NLGN4X: variants seen among roughly 807,000 people sequenced by gnomAD.
NLGN4X encodes neuroligin-4, X-linked.
Under a neutral mutation model 40.3 loss-of-function variants are expected in NLGN4X, and 3 were observed. The ratio of observed to expected loss-of-function variants is 0.07; its 90% CI spans 0.03 to 0.19. The LOEUF (loss-of-function observed/expected upper bound fraction) is 0.19. Among genes scored for constraint, NLGN4X ranks in the 10% least tolerant of loss-of-function variants. The probability of loss-of-function intolerance (pLI) is 1.00; values close to 1 mark genes in which losing one functional copy is unlikely to be tolerated. For missense variants in NLGN4X, 382 were observed against 708.3 expected (o/e 0.54, Z 5.23); for synonymous variants, 270 against 306.8 (o/e 0.88, Z 1.25).
At chrX:5,973,470 T>C (rs1178299629) in intron 3 of NLGN4X, among the ~76,000 whole-genome samples, 2 of 112,382 alleles carry the variant, frequency 1.8e-5, no homozygotes, top group African/African-American at 6.5e-5. Context: ...GGAAGCTAAA[T>C]TGTTTAGTCC....
chrX:6,110,267 G>A (rs1387978980), intron 2 of NLGN4X, among the ~76,000 whole-genome samples: 2 of 111,639 alleles, frequency 1.8e-5, no homozygotes, highest in Non-Finnish European at 3.8e-5. Flanking sequence ...CTGTCTAGAC[G>A]CTCAGAGTCA....
At chrX:6,005,207 T>A (rs1021930534) in intron 3 of NLGN4X, among the ~76,000 whole-genome samples, 1 of 112,061 alleles carries the variant, frequency 8.9e-6, no homozygotes, top group African/African-American at 3.2e-5. Context: ...CCAATGCAGA[T>A]CCCGGGGATT....
In NLGN4X at chrX:5,962,145, T is replaced by A. The variant is rs780892978; in HGVS notation, c.626-52906A>T. ...TGGGAAGAGACAGTACTTATCCATA[T>A]TAGCTAGTAAAAAGATATAAACTAT... On this transcript the variant is annotated intron_variant, in intron 3 of 5. Transcript: ENST00000381095. Among the ~76,000 whole-genome samples, 6 of 112,558 alleles carry A rather than the reference T, an allele frequency of 5.3e-5. No homozygotes were observed. In the East Asian group the frequency reaches 1.7e-3, roughly 31 times the overall value.
chrX:6,099,223 T>C (rs1258877589), intron 2 of NLGN4X, among the ~76,000 whole-genome samples: 1 of 112,344 alleles, frequency 8.9e-6, no homozygotes, highest in Non-Finnish European at 1.9e-5. Flanking sequence ...GAGATGCTCA[T>C]AACATTTAGA....
intron 2 of NLGN4X, among the ~76,000 whole-genome samples, chrX:6,070,239 G>C (rs778649045): frequency 9.1e-6 from 1 of 109,607 alleles, no homozygotes; most frequent in South Asian, 3.9e-4. Context: ...TCCACTTCTT[G>C]AAATGTTTCC....
chrX:6,072,789 C>T (rs750227355), intron 2 of NLGN4X, among the ~76,000 whole-genome samples: 13 of 110,921 alleles, frequency 1.2e-4, no homozygotes, highest in Non-Finnish European at 2.3e-4. Flanking sequence ...AACATATGCC[C>T]AAAGCACCTA....
intron 1 of NLGN4X, among the ~76,000 whole-genome samples, chrX:6,218,301 T>A (rs907950778): frequency 8.9e-6 from 1 of 112,036 alleles, no homozygotes; most frequent in Non-Finnish European, 1.9e-5. Context: ...GTTGAAGAAG[T>A]TAAAATCGAA....
At chrX:5,921,390 C>CGAGAGA (rs2033039435) in intron 3 of NLGN4X, among the ~76,000 whole-genome samples, 2 of 17,193 alleles carry the variant, frequency 1.2e-4, no homozygotes, top group Non-Finnish European at 2.4e-4. Context: ...TGAAAATGAA[C>CGAGAGA]CAGAGAGAGA....
At chrX:6,153,010 C>T (rs771349602) in intron 1 of NLGN4X, among the ~76,000 whole-genome samples, 105 of 112,574 alleles carry the variant, frequency 9.3e-4, no homozygotes, top group African/African-American at 3.2e-3. Context: ...CAGGAATGGA[C>T]ATTATGTTGT....
intron 3 of NLGN4X, among the ~76,000 whole-genome samples, chrX:5,925,806 A>C (rs2033246336): frequency 2.2e-5 from 2 of 90,053 alleles, no homozygotes; most frequent in African/African-American, 7.7e-5. Context: ...AATTACATTC[A>C]GTTGGTAATG....
intron 1 of NLGN4X, among the ~76,000 whole-genome samples, chrX:6,152,141 T>C (rs769719265): frequency 6.1e-4 from 67 of 110,677 alleles, no homozygotes; most frequent in African/African-American, 2.1e-3. Flanking sequence ...TTTGTAGACA[T>C]TGGGTCACCC....
intron 2 of NLGN4X, among the ~76,000 whole-genome samples, chrX:6,141,551 C>T (rs1225091865): frequency 9.0e-6 from 1 of 111,610 alleles, no homozygotes; most frequent in Non-Finnish European, 1.9e-5. Flanking sequence ...AGGCCAGGCA[C>T]GGTGGCTCAC....
At chrX:6,189,567 C>T (rs950318867) in intron 1 of NLGN4X, among the ~76,000 whole-genome samples, 1 of 112,016 alleles carries the variant, frequency 8.9e-6, no homozygotes, top group Non-Finnish European at 1.9e-5. Flanking sequence ...GTTCTCATTT[C>T]CTTCTCATGA....
chrX:5,924,945 T>C (rs1426614339), intron 3 of NLGN4X, among the ~76,000 whole-genome samples: 1 of 109,980 alleles, frequency 9.1e-6, no homozygotes, highest in Non-Finnish European at 1.9e-5. Flanking sequence ...ATCTCACAAA[T>C]CACCACTAAA....
In NLGN4X at chrX:5,890,592, T is replaced by C. The variant is rs2031108165; in HGVS notation, c.*2225A>G. On this transcript the variant is annotated 3_prime_UTR_variant, in exon 6 of 6. Coordinates refer to ENST00000381095, the MANE Select transcript of NLGN4X (RefSeq NM_181332.3). ...CCTTTGTAGTTTCACAGAGAGCCTA[T>C]TTGTGGTTGCTCAGGTGGGGTCATA... 1 of 326,689 alleles carries C rather than the reference T, an allele frequency of 3.1e-6. No homozygotes were observed. Among genetic ancestry groups the C allele is most frequent in the African/African-American group, 2.7e-5 (1 of 37,562 alleles). The allele number at this position is 326,689 out of a possible 1,213,427, so 26.9% of individuals were successfully genotyped here.
chrX:6,149,149 T>C (rs2040113412), intron 2 of NLGN4X, among the ~76,000 whole-genome samples: 2 of 112,339 alleles, frequency 1.8e-5, no homozygotes, highest in Admixed American at 9.4e-5. Flanking sequence ...CAAATTTTAA[T>C]TCAATACCGA....
intron 2 of NLGN4X, among the ~76,000 whole-genome samples, chrX:6,112,726 G>A (rs1452489486): frequency 9.1e-6 from 1 of 109,610 alleles, no homozygotes; most frequent in African/African-American, 3.3e-5. Context: ...TGGGATTACA[G>A]GTGTGAGCCA....
intron 3 of NLGN4X, chrX:5,991,609 T>C: frequency 2.2e-6 from 1 of 456,264 alleles, no homozygotes; most frequent in Non-Finnish European, 4.1e-6. Flanking sequence ...TTTCTCAGCA[T>C]GCAGTGTTCA....
intron 2 of NLGN4X, among the ~76,000 whole-genome samples, chrX:6,092,568 A>T (rs1441741158): frequency 4.4e-5 from 5 of 112,547 alleles, no homozygotes; most frequent in African/African-American, 6.5e-5. Context: ...TTCACAGTCA[A>T]AGATCACTAA....
Sources: gnomAD v4.1 joint callset for allele counts (sites outside exome capture counted in the v4.1 genomes callset) on GRCh38, gnomAD v4.1.1 for gene constraint, MANE v1.5 for transcripts, NCBI Gene and HGNC (gene_info 2026-07-23, HGNC 2026-07-21) for gene names.